Variants in CCSER1 observed in about 807,000 individuals in gnomAD.
The protein encoded by CCSER1 is serine-rich coiled-coil domain-containing protein 1.
CCSER1 carries 41 observed loss-of-function variants against 82.0 expected under a neutral mutation model. That is an observed-to-expected ratio of 0.50 (90% CI 0.39 to 0.65). CCSER1 has a LOEUF of 0.65. Among genes scored for constraint, CCSER1 ranks in the 30% least tolerant of loss-of-function variants. The pLI is 0.00. For synonymous variants in CCSER1, 414 were observed against 383.9 expected, an observed-to-expected ratio of 1.08 and a Z score of -0.92; for missense variants, 1,119 against 1,064.2, an observed-to-expected ratio of 1.05 and a Z score of -0.72.
intron 10 of CCSER1, among the ~76,000 whole-genome samples, chr4:91,383,533 T>G (rs192970536): frequency 6.6e-6 from 1 of 152,254 alleles, no homozygotes; most frequent in Admixed American, 6.5e-5. Flanking sequence ...AAGATGTAAA[T>G]ACTAGTGAAA....
chr4:91,184,118 C>T (rs780099868), intron 10 of CCSER1, among the ~76,000 whole-genome samples: 5 of 152,210 alleles, frequency 3.3e-5, no homozygotes, highest in Admixed American at 6.5e-5. Flanking sequence ...GTGATCATAA[C>T]ATTGGAGTAA....
intron 1 of CCSER1, among the ~76,000 whole-genome samples, chr4:90,187,449 A>G (rs1484081928): frequency 1.3e-5 from 2 of 150,892 alleles, no homozygotes; most frequent in African/African-American, 4.9e-5. Context: ...ACACACACAC[A>G]CAAACTCAAT....
chr4:91,511,973 G>C (rs1258677383), intron 10 of CCSER1, among the ~76,000 whole-genome samples: 1 of 152,074 alleles, frequency 6.6e-6, no homozygotes, highest in Non-Finnish European at 1.5e-5. Context: ...AAAAAGGTTG[G>C]GGATTACTGA....
At chr4:91,229,755 G>T (rs1356436625) in intron 10 of CCSER1, among the ~76,000 whole-genome samples, 3 of 152,110 alleles carry the variant, frequency 2.0e-5, no homozygotes, top group Non-Finnish European at 2.9e-5. Context: ...AACACCGCAT[G>T]TTCTCACTCA....
chr4:91,526,195 C>G (rs1462103626), intron 10 of CCSER1, among the ~76,000 whole-genome samples: 1 of 152,086 alleles, frequency 6.6e-6, no homozygotes, highest in Non-Finnish European at 1.5e-5. Context: ...TAAAAGCTTC[C>G]TCTACACAAT....
At chr4:90,634,144 C>A (rs1725002476) in intron 6 of CCSER1, among the ~76,000 whole-genome samples, 1 of 151,572 alleles carries the variant, frequency 6.6e-6, no homozygotes, top group South Asian at 2.1e-4. Context: ...TTGCTCTATT[C>A]TCTTTATCAA....
At chr4:90,829,364 A>G (rs17017712) in intron 8 of CCSER1, among the ~76,000 whole-genome samples, 16,388 of 152,216 alleles carry the variant, frequency 0.11, 992 homozygotes, top group African/African-American at 0.15. Context: ...AATAGAAAAT[A>G]GCTATGGGTA....
intron 10 of CCSER1, among the ~76,000 whole-genome samples, chr4:91,470,131 C>T (rs1000149832): frequency 2.0e-5 from 3 of 152,198 alleles, no homozygotes; most frequent in Admixed American, 1.3e-4. Flanking sequence ...ATGGGCTAAT[C>T]GTATCTTTAT....
At chr4:90,505,334 C>G (rs918425551) in intron 5 of CCSER1, among the ~76,000 whole-genome samples, 5 of 152,180 alleles carry the variant, frequency 3.3e-5, no homozygotes, top group Non-Finnish European at 2.9e-5. Context: ...ACTTCCCCAT[C>G]TGTCCAAAAT....
chr4:91,383,736 G>T (rs1751089654), intron 10 of CCSER1, among the ~76,000 whole-genome samples: 1 of 152,046 alleles, frequency 6.6e-6, no homozygotes, highest in Non-Finnish European at 1.5e-5. Flanking sequence ...TCTTATTGAG[G>T]GTGGGAGGGA....
intron 5 of CCSER1, among the ~76,000 whole-genome samples, chr4:90,551,712 A>C (rs200289420): frequency 0.11 from 8,439 of 80,312 alleles, 274 homozygotes; most frequent in Non-Finnish European, 0.14. Context: ...CTCTCTATAT[A>C]TATATATATA....
intron 1 of CCSER1, among the ~76,000 whole-genome samples, chr4:90,300,924 C>T (rs1343484071): frequency 6.6e-6 from 1 of 152,164 alleles, no homozygotes; most frequent in Non-Finnish European, 1.5e-5. Context: ...CTCCAAGGCT[C>T]ATGTGATCCT....
At chr4:90,768,090 T>C (rs1478604996) in intron 7 of CCSER1, among the ~76,000 whole-genome samples, 1 of 152,170 alleles carries the variant, frequency 6.6e-6, no homozygotes, top group Non-Finnish European at 1.5e-5. Flanking sequence ...AAGAAATAAG[T>C]TGTCACTTTC....
rs35485374 is a variant in CCSER1, at chr4:91,530,684, C to CT, written c.2218-67872dup. 1.8e-3 allele frequency among the ~76,000 whole-genome samples: 244 copies of CT among 136,466 alleles called. 1 individual carries two copies. Among genetic ancestry groups the CT allele is most frequent in the Non-Finnish European group, 2.6e-3 (166 of 64,004 alleles). 89.5% of individuals were successfully genotyped at this position (136,466 alleles called of 152,430 possible). A position where few individuals can be genotyped will look rare whatever the true frequency, so the allele number is the denominator to read the frequency against. On this transcript the variant is annotated intron_variant, in intron 10 of 10. Coordinates refer to ENST00000509176, the MANE Select transcript of CCSER1 (RefSeq NM_001145065.2). ...GTTATAAAGAATTGTATTTTTCTTTCTTTTTTTTTTTTTTTTGAGACAGAG... is the reference window on the plus strand; with the variant it reads ...GTTATAAAGAATTGTATTTTTCTTTCTTTTTTTTTTTTTTTTTGAGACAGAG...
At chr4:91,022,746 T>C (rs62309843) in intron 9 of CCSER1, among the ~76,000 whole-genome samples, 54,402 of 152,080 alleles carry the variant, frequency 0.36, 10,970 homozygotes, top group East Asian at 0.58. Flanking sequence ...TGATTTGCAT[T>C]TCTCTGATGG....
intron 10 of CCSER1, among the ~76,000 whole-genome samples, chr4:91,182,308 GTTA>G (rs1396961472): frequency 1.3e-5 from 2 of 152,150 alleles, no homozygotes; most frequent in African/African-American, 4.8e-5. Flanking sequence ...TCTACCCCAA[GTTA>G]TTATTTTACC....
At chr4:90,499,112 A>ATGTG (rs1284294092) in intron 5 of CCSER1, among the ~76,000 whole-genome samples, 10 of 150,322 alleles carry the variant, frequency 6.7e-5, no homozygotes, top group African/African-American at 2.0e-4. Context: ...ATGTATGTGT[A>ATGTG]TATGTGTGTG....
chr4:91,417,360 T>C (rs1753428857), intron 10 of CCSER1, among the ~76,000 whole-genome samples: 1 of 152,160 alleles, frequency 6.6e-6, no homozygotes, highest in Non-Finnish European at 1.5e-5. Context: ...CAAAGGAATA[T>C]AAATCATTCT....
intron 9 of CCSER1, among the ~76,000 whole-genome samples, chr4:90,937,667 C>G (rs569485697): frequency 6.6e-6 from 1 of 152,246 alleles, no homozygotes; most frequent in African/African-American, 2.4e-5. Flanking sequence ...TGATTCATTA[C>G]AAACTGTTAA....
Sources: gnomAD v4.1 joint callset for allele counts (sites outside exome capture counted in the v4.1 genomes callset) on GRCh38, gnomAD v4.1.1 for gene constraint, MANE v1.5 for transcripts, NCBI Gene and HGNC (gene_info 2026-07-23, HGNC 2026-07-21) for gene names.